TASP1: variants seen among roughly 807,000 people sequenced by gnomAD.
The protein encoded by TASP1 is threonine aspartase 1.
Under a neutral mutation model 56.6 loss-of-function variants are expected in TASP1, and 16 were observed. That is an observed-to-expected ratio of 0.28 (90% CI 0.19 to 0.43). TASP1 has a LOEUF of 0.43. Among genes scored for constraint, TASP1 ranks in the 20% least tolerant of loss-of-function variants. TASP1 has a pLI of 1.00. For missense variants in TASP1, 393 were observed against 511.6 expected (o/e 0.77, Z 2.24); for synonymous variants, 179 against 184.2 (o/e 0.97, Z 0.23).
chr20:13,505,803 A>T lies in TASP1; in HGVS notation c.875-22466T>A, dbSNP rs139985765. Among the ~76,000 whole-genome samples the T allele has an allele frequency of 4.2e-3, 632 of 152,264 alleles. 2 individuals carry two copies. The highest frequency in any genetic ancestry group is 0.013 in the African/African-American group (561 of 41,574). On this transcript the variant is annotated intron_variant, in intron 10 of 13. Transcript: ENST00000337743. ...TAACAGCAACATACACCTACATGAA[A>T]AAAGAAAGACCTTAAACAAACAACC... is the stretch of plus-strand genomic sequence containing the variant.
At chr20:13,259,280 C>CAA in the TASP1 span, among the ~76,000 whole-genome samples, 3,332 of 116,528 alleles carry the variant, frequency 0.029, 109 homozygotes, top group African/African-American at 0.099. Flanking sequence ...GACTCTGTCT[C>CAA]AAAAAAAAAA....
At chr20:13,126,526 G>A in the TASP1 span, 37 of 1,584,640 alleles carry the variant, frequency 2.3e-5, no homozygotes, top group Non-Finnish European at 3.2e-5. Context: ...GGGACTAGAT[G>A]TAATTCCCAC....
intron 11 of TASP1, among the ~76,000 whole-genome samples, chr20:13,447,522 A>G (rs2043456152): frequency 1.3e-5 from 2 of 152,108 alleles, no homozygotes; most frequent in Non-Finnish European, 2.9e-5. Flanking sequence ...TAAAGGGCAG[A>G]CTTCACTAGC....
intron 2 of TASP1, among the ~76,000 whole-genome samples, chr20:13,628,441 A>C (rs974422109): frequency 6.6e-6 from 1 of 152,232 alleles, no homozygotes; most frequent in African/African-American, 2.4e-5. Flanking sequence ...TCCCAGGTCT[A>C]CTTTTAACTG....
the TASP1 span, among the ~76,000 whole-genome samples, chr20:13,236,274 T>C: frequency 6.6e-6 from 1 of 152,120 alleles, no homozygotes; most frequent in African/African-American, 2.4e-5. Context: ...TTAGGAGTAA[T>C]ACAGTAGAAG....
chr20:13,461,723 A>C (rs952435252), intron 11 of TASP1, among the ~76,000 whole-genome samples: 2 of 152,172 alleles, frequency 1.3e-5, no homozygotes, highest in Admixed American at 6.6e-5. Flanking sequence ...TTGAACCTGC[A>C]GGCCATAGTT....
At chr20:13,392,738 CT>C in intron 13 of TASP1, 2 of 579,554 alleles carry the variant, frequency 3.5e-6, no homozygotes, top group South Asian at 1.4e-5. Flanking sequence ...ACCAGGGCTG[CT>C]TTTAACTCTG....
At chr20:13,127,549 A>T in the TASP1 span, among the ~76,000 whole-genome samples, 1 of 152,210 alleles carries the variant, frequency 6.6e-6, no homozygotes, top group Non-Finnish European at 1.5e-5. Flanking sequence ...GTACTCCATC[A>T]GTTTTCAATA....
the TASP1 span, among the ~76,000 whole-genome samples, chr20:13,108,957 T>C: frequency 6.6e-6 from 1 of 152,174 alleles, no homozygotes; most frequent in African/African-American, 2.4e-5. Context: ...TTCAGTTTCA[T>C]CTTCTCAAAA....
At chr20:13,418,176 T>C (rs1321191672) in intron 12 of TASP1, among the ~76,000 whole-genome samples, 1 of 152,214 alleles carries the variant, frequency 6.6e-6, no homozygotes, top group African/African-American at 2.4e-5. Context: ...CCTCCCAAAG[T>C]GCTGAGATTA....
At chr20:13,519,493 G>T (rs2044658438) in intron 10 of TASP1, among the ~76,000 whole-genome samples, 1 of 152,130 alleles carries the variant, frequency 6.6e-6, no homozygotes, top group South Asian at 2.1e-4. Context: ...ATGTAATCCA[G>T]CATATAAACA....
chr20:13,139,337 G>A, the TASP1 span, among the ~76,000 whole-genome samples: 1 of 152,166 alleles, frequency 6.6e-6, no homozygotes, highest in Non-Finnish European at 1.5e-5. Flanking sequence ...GTTAAGTTAT[G>A]TTACTTGTTG....
the TASP1 span, among the ~76,000 whole-genome samples, chr20:13,306,564 C>CAAAAAAAAAAAAAAAAAAAAGA: frequency 4.1e-4 from 26 of 63,910 alleles, no homozygotes; most frequent in Non-Finnish European, 5.5e-4. Flanking sequence ...GGAGAAAGGA[C>CAAAAAAAAAAAAAAAAAAAAGA]AAAAAAAAAA....
At chr20:13,476,588 G>GT (rs1173514474) in intron 11 of TASP1, among the ~76,000 whole-genome samples, 1 of 151,944 alleles carries the variant, frequency 6.6e-6, no homozygotes, top group Admixed American at 6.6e-5. Flanking sequence ...TGGAATGCAA[G>GT]TTTTTTTGAT....
At chr20:13,578,641 T>C (rs188722953) in intron 6 of TASP1, among the ~76,000 whole-genome samples, 1 of 152,336 alleles carries the variant, frequency 6.6e-6, no homozygotes, top group East Asian at 1.9e-4. Flanking sequence ...CTTAGTGATG[T>C]GACATCGGAA....
intron 6 of TASP1, among the ~76,000 whole-genome samples, chr20:13,572,068 A>G (rs912011053): frequency 7.9e-5 from 12 of 152,174 alleles, no homozygotes; most frequent in Admixed American, 6.5e-4. Flanking sequence ...ACCTTCTAAC[A>G]TATTACATAA....
intron 11 of TASP1, among the ~76,000 whole-genome samples, chr20:13,445,717 T>C (rs956440789): frequency 1.3e-5 from 2 of 152,128 alleles, no homozygotes; most frequent in Non-Finnish European, 2.9e-5. Context: ...CAGGAGAATG[T>C]AGTGAACACC....
At chr20:13,293,028 T>C in the TASP1 span, among the ~76,000 whole-genome samples, 1 of 151,474 alleles carries the variant, frequency 6.6e-6, no homozygotes, top group South Asian at 2.1e-4. Context: ...AACCCCCCCG[T>C]CTCTACTAAA....
chr20:13,377,035 C>T, the TASP1 span, among the ~76,000 whole-genome samples: 13 of 152,196 alleles, frequency 8.5e-5, no homozygotes, highest in African/African-American at 3.1e-4. Context: ...GATTATTTGA[C>T]TTCCTCTCTT....
Sources: gnomAD v4.1 joint callset for allele counts (sites outside exome capture counted in the v4.1 genomes callset) on GRCh38, gnomAD v4.1.1 for gene constraint, MANE v1.5 for transcripts, NCBI Gene and HGNC (gene_info 2026-07-23, HGNC 2026-07-21) for gene names.